Variants in SEPTIN7 observed in about 807,000 individuals in gnomAD.
SEPTIN7 encodes septin-7.
A neutral mutation model predicts 63.3 loss-of-function variants in SEPTIN7; 10 were observed. The observed-to-expected ratio is 0.16, with a 90% CI of 0.10 to 0.27. The LOEUF is 0.27. SEPTIN7 is among the 10% of genes least tolerant of loss of function. The pLI, the probability that SEPTIN7 is intolerant of heterozygous loss-of-function variation, is 1.00. For missense variants in SEPTIN7, 310 were observed against 521.0 expected, an observed-to-expected ratio of 0.59 and a Z score of 3.94; for synonymous variants, 131 against 165.3, an observed-to-expected ratio of 0.79 and a Z score of 1.59.
At chr7:35,813,407 T>C (rs1583491225) in intron 1 of SEPTIN7, among the ~76,000 whole-genome samples, 1 of 151,432 alleles carries the variant, frequency 6.6e-6, no homozygotes, top group Non-Finnish European at 1.5e-5. Context: ...CAGACTGGAG[T>C]GCAGTGGCAT....
chr7:35,873,685 A>C lies in SEPTIN7; in HGVS notation c.422A>C (p.Tyr141Ser), dbSNP rs1786298349. The C allele has an allele frequency of 6.2e-7, 1 of 1,610,662 alleles. No homozygotes were observed. The highest frequency in any genetic ancestry group is 1.3e-5 in the African/African-American group (1 of 74,832). The part of the protein sequence containing the change: ...IDYIDSKFED[Y>S]LNAESRVNRR... ...TACATTGATAGTAAATTTGAGGACT[A>C]CCTAAATGCAGAATCACGAGTGAAC... is the stretch of plus-strand genomic sequence containing the variant. The change falls in exon 6 of 14, where the codon TAC (tyrosine) becomes TCC (serine). Residue 141 changes from tyrosine (Y) to serine (S), a missense_variant. Physicochemically the swap from Tyr to Ser is moderately radical, Grantham distance 144. Around this residue, in one of 2 missense-constraint regions of SEPTIN7, gnomAD observed 255 missense variants for 490.5 expected, o/e 0.52. Transcript: ENST00000350320.
At chr7:35,887,900 A>G (rs561078790) in intron 10 of SEPTIN7, among the ~76,000 whole-genome samples, 17 of 152,358 alleles carry the variant, frequency 1.1e-4, no homozygotes, top group African/African-American at 4.1e-4. Context: ...ATAAAATACC[A>G]ATACCAATAT....
chr7:35,812,499 C>T (rs1788795698), intron 1 of SEPTIN7, among the ~76,000 whole-genome samples: 1 of 152,038 alleles, frequency 6.6e-6, no homozygotes, highest in South Asian at 2.1e-4. Flanking sequence ...TAGTACTGGC[C>T]AGGGTTAAGG....
chr7:35,884,391 A>G (rs1787094580), intron 9 of SEPTIN7, among the ~76,000 whole-genome samples: 1 of 152,194 alleles, frequency 6.6e-6, no homozygotes, highest in African/African-American at 2.4e-5. Context: ...CCAAAATTCC[A>G]AAAAAATTCA....
intron 3 of SEPTIN7, among the ~76,000 whole-genome samples, chr7:35,854,326 A>C (rs1327419681): frequency 6.6e-6 from 1 of 152,224 alleles, no homozygotes; most frequent in Admixed American, 6.5e-5. Flanking sequence ...TTTGATGCAT[A>C]GTGGTATCAG....
chr7:35,880,223 C>CTTTTTTTTTTTTTTTTGTTTT (rs1786770654), intron 7 of SEPTIN7, among the ~76,000 whole-genome samples: 1 of 72,778 alleles, frequency 1.4e-5, no homozygotes, highest in Non-Finnish European at 2.6e-5. Context: ...TTTTTCTTTT[C>CTTTTTTTTTTTTTTTTGTTTT]TTTTTTTTTT....
intron 3 of SEPTIN7, among the ~76,000 whole-genome samples, chr7:35,844,851 C>T (rs1784578075): frequency 6.6e-6 from 1 of 152,152 alleles, no homozygotes; most frequent in African/African-American, 2.4e-5. Flanking sequence ...GATCCACCCA[C>T]CTTAGCTGGG....
chr7:35,840,090 C>G lies in SEPTIN7; in HGVS notation c.169+7190C>G, dbSNP rs191549400. ...TACTGGCAAATTGTTCCTTTCTTTT[C>G]TTTCCCTTTTCCTTTTTCTTTTTTT... On this transcript the variant is annotated intron_variant, in intron 3 of 13. Transcript: ENST00000350320. Among the ~76,000 whole-genome samples the G allele has an allele frequency of 5.5e-3, 827 of 151,666 alleles. 7 individuals are homozygous for G. Among genetic ancestry groups the G allele is most frequent in the South Asian group, 0.044 (212 of 4,796 alleles).
intron 1 of SEPTIN7, chr7:35,815,084 C>T: frequency 2.7e-6 from 1 of 370,942 alleles, no homozygotes; most frequent in Non-Finnish European, 5.3e-6. Context: ...TTCAGTTGTC[C>T]ATTGATAGAC....
intron 7 of SEPTIN7, among the ~76,000 whole-genome samples, chr7:35,882,085 G>A (rs1786914181): frequency 1.3e-5 from 2 of 151,872 alleles, no homozygotes; most frequent in Admixed American, 6.6e-5. Context: ...GTTTAGCCCT[G>A]TTTATTCAAC....
At chr7:35,815,903 A>G (rs1403659626) in intron 1 of SEPTIN7, among the ~76,000 whole-genome samples, 1 of 151,754 alleles carries the variant, frequency 6.6e-6, no homozygotes, top group East Asian at 1.9e-4. Context: ...CCCTGTTCTC[A>G]TTCTCCTTTT....
chr7:35,812,178 C>T (rs1457959880), intron 1 of SEPTIN7: 2 of 166,872 alleles, frequency 1.2e-5, no homozygotes, highest in Non-Finnish European at 2.6e-5. Context: ...ATGGCTAACT[C>T]AACTTCAGCT....
In SEPTIN7 at chr7:35,904,362, A is replaced by G. The variant is rs1583661606; in HGVS notation, c.*69A>G. The stretch of plus-strand genomic sequence containing the variant: ...CAGCTTGGACATCAGTGTTTGTTGG[A>G]TCCGTTTGACCAATTTGCACCAGTT... On this transcript the variant is annotated 3_prime_UTR_variant, in exon 14 of 14. Transcript: ENST00000350320. 3.0e-6 allele frequency: 4 copies of G among 1,329,712 alleles called. No homozygotes were observed. The East Asian group carries it at 1.0e-4, about 35-fold the overall frequency. 82.4% of individuals were successfully genotyped at this position (1,329,712 alleles called of 1,614,324 possible).
intron 1 of SEPTIN7, among the ~76,000 whole-genome samples, chr7:35,813,411 G>A (rs1788858496): frequency 6.6e-6 from 1 of 151,596 alleles, no homozygotes; most frequent in Admixed American, 6.6e-5. Flanking sequence ...CTGGAGTGCA[G>A]TGGCATGATC....
Position 35,877,916 on chromosome 7 carries a change from G to A in SEPTIN7, c.513-1907G>A, listed in dbSNP as rs567706576. Among the ~76,000 whole-genome samples the A allele has an allele frequency of 2.6e-5, 4 of 152,236 alleles. No individual in the cohort carries two copies. The East Asian group carries it at 7.7e-4, about 29-fold the overall frequency. On this transcript the variant is annotated intron_variant, in intron 6 of 13. Coordinates refer to ENST00000350320, the MANE Select transcript of SEPTIN7 (RefSeq NM_001788.6). The stretch of plus-strand genomic sequence containing the variant: ...GGTTACCTGTTGAAGTTGAAGATAC[G>A]TTTAATAGCGTAGCCTACATTTGGG...
intron 1 of SEPTIN7, among the ~76,000 whole-genome samples, chr7:35,814,654 T>C (rs1788934688): frequency 6.6e-6 from 1 of 152,162 alleles, no homozygotes; most frequent in South Asian, 2.1e-4. Flanking sequence ...TGATTTTCTG[T>C]TTACATGTAC....
At chr7:35,914,825 T>G in the SEPTIN7 span, among the ~76,000 whole-genome samples, 6 of 152,150 alleles carry the variant, frequency 3.9e-5, no homozygotes, top group African/African-American at 1.4e-4. Context: ...AGTATATAGA[T>G]ATGTACGTGT....
intron 3 of SEPTIN7, among the ~76,000 whole-genome samples, chr7:35,859,732 A>C (rs1196308068): frequency 6.6e-6 from 1 of 152,184 alleles, no homozygotes; most frequent in South Asian, 2.1e-4. Flanking sequence ...ATTTATCAAC[A>C]TTTGAAGTCC....
intron 12 of SEPTIN7, chr7:35,899,958 T>C (rs1788213119): frequency 6.6e-6 from 1 of 152,212 alleles, no homozygotes; most frequent in African/African-American, 2.4e-5. Context: ...TGATAAAATT[T>C]AGTAAGATCC....
Sources: gnomAD v4.1 joint callset for allele counts (sites outside exome capture counted in the v4.1 genomes callset) on GRCh38, gnomAD v4.1.1 for gene constraint, gnomAD v4.1.1 regional missense constraint, MANE v1.5 for transcripts, NCBI Gene and HGNC (gene_info 2026-07-23, HGNC 2026-07-21) for gene names.